The following RABGAP1L variants were observed in gnomAD, a reference collection of about 807,000 sequenced individuals.
RABGAP1L encodes the protein RAB GTPase activating protein 1 like.
A neutral mutation model predicts 137.7 loss-of-function variants in RABGAP1L; 63 were observed. The observed-to-expected ratio is 0.46, with a 90% CI of 0.37 to 0.56. The LOEUF is 0.56. Ranked by LOEUF, RABGAP1L falls within the 20% of genes least tolerant of loss-of-function variation. RABGAP1L has a pLI of 0.00. For synonymous variants in RABGAP1L, 431 were observed against 433.7 expected, an observed-to-expected ratio of 0.99 and a Z score of 0.08; for missense variants, 1,095 against 1,244.0, an observed-to-expected ratio of 0.88 and a Z score of 1.80.
intron 13 of RABGAP1L, among the ~76,000 whole-genome samples, chr1:174,468,723 C>G (rs1657574399): frequency 6.6e-6 from 1 of 152,064 alleles, no homozygotes; most frequent in Admixed American, 6.6e-5. Context: ...CTTTCTCTCT[C>G]TCTCTCTCTG....
At chr1:174,840,789 C>A (rs1693300014) in intron 19 of RABGAP1L, among the ~76,000 whole-genome samples, 1 of 145,418 alleles carries the variant, frequency 6.9e-6, no homozygotes, top group Admixed American at 7.0e-5. Flanking sequence ...GCATTCCAGC[C>A]TGGGTGACAG....
chr1:174,835,234 G>A (rs1289731536), intron 19 of RABGAP1L, among the ~76,000 whole-genome samples: 2 of 152,082 alleles, frequency 1.3e-5, no homozygotes, highest in Non-Finnish European at 2.9e-5. Context: ...TTGGAGGGGG[G>A]AATGATCAAG....
chr1:174,388,538 A>G (rs1168585117), intron 12 of RABGAP1L, among the ~76,000 whole-genome samples: 1 of 152,016 alleles, frequency 6.6e-6, no homozygotes, highest in Admixed American at 6.6e-5. Context: ...ACTTGTAAAA[A>G]CAAAACTAAA....
intron 19 of RABGAP1L, among the ~76,000 whole-genome samples, chr1:174,911,638 A>G (rs962293718): frequency 1.3e-5 from 2 of 152,202 alleles, no homozygotes; most frequent in Non-Finnish European, 2.9e-5. Context: ...TAATCTAATT[A>G]TTATTGTTAT....
chr1:174,297,542 G>A (rs1021229928), intron 10 of RABGAP1L, among the ~76,000 whole-genome samples: 6 of 152,146 alleles, frequency 3.9e-5, no homozygotes, highest in African/African-American at 1.4e-4. Flanking sequence ...GCACCTGGCT[G>A]TCTCATTCCC....
intron 14 of RABGAP1L, among the ~76,000 whole-genome samples, chr1:174,646,805 A>G (rs1203221470): frequency 3.3e-5 from 5 of 152,284 alleles, no homozygotes; most frequent in East Asian, 3.9e-4. Context: ...TTTGGGCAGT[A>G]TGACCATTTT....
chr1:174,969,078 G>A (rs1193187336), intron 20 of RABGAP1L, among the ~76,000 whole-genome samples, 199 bp from the exon 21 acceptor site: 1 of 152,124 alleles, frequency 6.6e-6, no homozygotes, highest in Non-Finnish European at 1.5e-5. Flanking sequence ...CAGTTTCACC[G>A]GGTAGAGAAC....
chr1:174,751,800 CAA>C (rs934349268), intron 17 of RABGAP1L, among the ~76,000 whole-genome samples: 11 of 152,002 alleles, frequency 7.2e-5, no homozygotes, highest in African/African-American at 2.7e-4. Context: ...ATTGCTAAAA[CAA>C]ATAAGAAAAC....
At chr1:174,288,736 T>A (rs1676298725) in intron 10 of RABGAP1L, among the ~76,000 whole-genome samples, 1 of 152,188 alleles carries the variant, frequency 6.6e-6, no homozygotes, top group Non-Finnish European at 1.5e-5. Context: ...TTGACTGTCC[T>A]CTTCTTTTCC....
chr1:174,485,144 T>C (rs374130459), intron 13 of RABGAP1L, among the ~76,000 whole-genome samples: 2 of 152,212 alleles, frequency 1.3e-5, no homozygotes, highest in East Asian at 3.8e-4. Context: ...TAAATTTCTT[T>C]TTCAGATTGT....
At position 174,682,084 on chromosome 1, in the gene RABGAP1L, C is replaced by T. The variant is rs576407701; in HGVS notation, c.1825-1438C>T. 1.2e-4 allele frequency among the ~76,000 whole-genome samples: 19 copies of T among 152,164 alleles called. No homozygotes were observed. In the East Asian group the frequency reaches 3.3e-3, roughly 26 times the overall value. ...ACACCTGAGGTCAGCAGTTCAAGAC[C>T]AGCCTGGCCAACATGGTGAAACCCT... is the stretch of plus-strand genomic sequence containing the variant. On this transcript the variant is annotated intron_variant, in intron 14 of 25. Coordinates refer to ENST00000681986, the MANE Select transcript of RABGAP1L (RefSeq NM_001366446.1).
At position 174,322,505 on chromosome 1, in the gene RABGAP1L, C is replaced by A. The variant is rs187422537; in HGVS notation, c.1465+17378C>A. Reference sequence around the variant, plus strand: ...TTGTTGGAAAGTAACATCAGTTTCTCTTCACATAAGTTTCTTTAGAGAGGC... The same window carrying A: ...TTGTTGGAAAGTAACATCAGTTTCTATTCACATAAGTTTCTTTAGAGAGGC... On this transcript the variant is annotated intron_variant, in intron 11 of 25. Transcript: ENST00000681986. Among the ~76,000 whole-genome samples the A allele has an allele frequency of 2.6e-5, 4 of 152,284 alleles. No homozygotes were observed. In the East Asian group the frequency reaches 7.7e-4, roughly 29 times the overall value.
At chr1:174,655,046 A>G (rs1443007652) in intron 14 of RABGAP1L, among the ~76,000 whole-genome samples, 2 of 152,206 alleles carry the variant, frequency 1.3e-5, no homozygotes, top group African/African-American at 4.8e-5. Context: ...CCTCAAACTC[A>G]TAAAAGCTAC....
chr1:174,236,155 C>G (rs1671145772), intron 4 of RABGAP1L, among the ~76,000 whole-genome samples: 1 of 82,070 alleles, frequency 1.2e-5, no homozygotes, highest in Non-Finnish European at 2.4e-5. Flanking sequence ...TGATTCTTCT[C>G]TCTTTTTTTC....
chr1:174,508,064 T>C (rs902166098), intron 13 of RABGAP1L, among the ~76,000 whole-genome samples: 52 of 152,142 alleles, frequency 3.4e-4, no homozygotes, highest in African/African-American at 1.2e-3. Flanking sequence ...ATGAGTATTA[T>C]GAGTGTTCAA....
chr1:174,868,522 G>C (rs902918215), intron 19 of RABGAP1L, among the ~76,000 whole-genome samples: 1 of 152,038 alleles, frequency 6.6e-6, no homozygotes, highest in Non-Finnish European at 1.5e-5. Flanking sequence ...ATTGCACAGG[G>C]TATTTCTTTT....
intron 13 of RABGAP1L, among the ~76,000 whole-genome samples, chr1:174,522,438 A>G (rs1300441278): frequency 6.6e-6 from 1 of 151,528 alleles, no homozygotes; most frequent in Non-Finnish European, 1.5e-5. Flanking sequence ...GCATGGTGGC[A>G]TGTGCCTGTA....
intron 11 of RABGAP1L, among the ~76,000 whole-genome samples, chr1:174,342,154 A>T (rs1221698648): frequency 6.6e-6 from 1 of 152,196 alleles, no homozygotes; most frequent in African/African-American, 2.4e-5. Flanking sequence ...ATATGTTAAT[A>T]TGTTTAATAC....
intron 1 of RABGAP1L, among the ~76,000 whole-genome samples, chr1:174,184,563 G>A (rs923218778): frequency 3.3e-5 from 5 of 152,058 alleles, no homozygotes; most frequent in East Asian, 1.9e-4. Flanking sequence ...TGTCCAAAAC[G>A]AAATCTGTCA....
Sources: allele counts gnomAD v4.1 joint callset (sites outside exome capture counted in the v4.1 genomes callset), GRCh38; gene constraint gnomAD v4.1.1; transcripts MANE v1.5; gene names NCBI Gene and HGNC (gene_info 2026-07-23, HGNC 2026-07-21).